Variants in ADAMTSL2 observed in about 807,000 individuals in gnomAD.
ADAMTSL2 encodes ADAMTS like 2, also known as ADAMTS-like protein 2.
Under a neutral mutation model 117.0 loss-of-function variants are expected in ADAMTSL2, and 55 were observed. That is an observed-to-expected ratio of 0.47 (90% confidence interval 0.38 to 0.59). ADAMTSL2 has a LOEUF of 0.59. Among genes scored for constraint, ADAMTSL2 ranks in the 20% least tolerant of loss-of-function variants. The pLI is 0.00. For missense variants in ADAMTSL2, 1,182 were observed against 1,354.5 expected, an observed-to-expected ratio of 0.87 and a Z score of 2.00; for synonymous variants, 572 against 566.4, an observed-to-expected ratio of 1.01 and a Z score of -0.14.
In ADAMTSL2 at chr9:133,536,540, G is replaced by T. The variant is rs369206306; in HGVS notation, c.-150-23G>T. 6 of 1,540,402 alleles carry T rather than the reference G, an allele frequency of 3.9e-6. No homozygotes were observed. In the African/African-American group the frequency reaches 5.5e-5, roughly 14 times the overall value. ...CTTCTTGCTAAGCCTAGACTGAGGC[G>T]GGGGGTTCATCCTTCCCAACAGGGT... is the stretch of plus-strand genomic sequence containing the variant. On this transcript the variant is annotated intron_variant, in intron 1 of 18. Coordinates refer to ENST00000651351, the MANE Select transcript of ADAMTSL2 (RefSeq NM_014694.4).
rs1426390008 is a variant in ADAMTSL2, at chr9:133,555,810, T to C, written c.1529T>C (p.Leu510Pro). 15 of 1,613,736 alleles carry C rather than the reference T, an allele frequency of 9.3e-6. No homozygotes were observed. The highest frequency in any genetic ancestry group is 1.3e-5 in the Non-Finnish European group (15 of 1,180,042). ...AACGAGGGGGCTGGCCCTTACCTGC[T>C]CAACGGGTCCTACCTGGAGCTGAGC... ...EENEGAGPYL[L>P]NGSYLELSSD... Residue 510 changes from leucine to proline, a missense_variant, in exon 11 of 19, where the codon CTC (leucine) becomes CCC (proline). Transcript: ENST00000651351.
intron 9 of ADAMTSL2, among the ~76,000 whole-genome samples, chr9:133,548,245 G>A (rs1830399930): frequency 6.6e-6 from 1 of 152,262 alleles, no homozygotes; most frequent in Admixed American, 6.5e-5. Flanking sequence ...GCCAGAGCCT[G>A]TTCTTTGTTT....
intron 12 of ADAMTSL2, among the ~76,000 whole-genome samples, chr9:133,563,840 A>G (rs144667575): frequency 0.02 from 675 of 34,566 alleles, 8 homozygotes; most frequent in Middle Eastern, 0.06. Flanking sequence ...AGAGAGAGAG[A>G]GAGGGAGAGA....
rs1213955202 is a variant in ADAMTSL2, at chr9:133,568,294, C to T, written c.1896C>T (p.Ser632=). The T allele has an allele frequency of 8.9e-6, 14 of 1,571,876 alleles. No homozygotes were observed. The highest frequency in any genetic ancestry group is 3.5e-5 in the South Asian group (3 of 85,770). Reference sequence around the variant, plus strand: ...GCAGGTGGGAGACGAGCAGCTGGAGCGAGTGTTCGCGCACCTGCGGAGAGG... The same window carrying T: ...GCAGGTGGGAGACGAGCAGCTGGAGTGAGTGTTCGCGCACCTGCGGAGAGG... ...CQPRWETSSW[S]ECSRTCGEGY... Residue 632 remains serine (S), a synonymous_variant, in exon 14 of 19, where the codon AGC becomes AGT. Transcript: ENST00000651351.
Position 133,554,268 on chromosome 9 carries a change from C to A in ADAMTSL2, c.940-89C>A. 2 of 1,223,730 alleles carry A rather than the reference C, an allele frequency of 1.6e-6. No homozygotes were observed. The highest frequency in any genetic ancestry group is 2.3e-6 in the Non-Finnish European group (2 of 883,898). The allele number at this position is 1,223,730 out of a possible 1,614,324, so 75.8% of individuals were successfully genotyped here. ...CTCAACTGCCAGTCACAGCAGGGAA[C>A]GCACCCTGCAGCTCTGTGGGAAGGG... is the stretch of plus-strand genomic sequence containing the variant. On this transcript the variant is annotated intron_variant, in intron 9 of 18. Transcript: ENST00000651351. This position sits in a 1 kb window ranked among gnomAD's most constrained non-coding sequence, Gnocchi z 5.2.
Position 133,568,447 on chromosome 9 carries a change from C to T in ADAMTSL2, c.2049C>T (p.Pro683=), listed in dbSNP as rs886063644. The T allele has an allele frequency of 3.7e-3, 5,886 of 1,608,108 alleles. 158 individuals carry two copies. The African/African-American group carries it at 0.063, about 17-fold the overall frequency. ...RPEERKTCRN[P]ACGPQWEMSE... ...AGGAACGCAAGACCTGCCGGAACCC[C>T]GCCTGCGGGCCCCAGTGGGAGATGT... The change falls in exon 14 of 19, where the codon CCC becomes CCT. Residue 683 remains proline, a synonymous_variant. Transcript: ENST00000651351.
intron 8 of ADAMTSL2, among the ~76,000 whole-genome samples, chr9:133,545,115 G>T (rs1429949683): frequency 6.6e-6 from 1 of 152,154 alleles, no homozygotes; most frequent in Non-Finnish European, 1.5e-5. Context: ...GGCAGATTTT[G>T]AGTGTAGGGA....
intron 9 of ADAMTSL2, among the ~76,000 whole-genome samples, chr9:133,551,911 C>A (rs958395291): frequency 4.6e-5 from 7 of 150,746 alleles, no homozygotes; most frequent in South Asian, 2.1e-4. Context: ...CTCCCTGCAA[C>A]CTCCGCCTCC....
Position 133,568,275 on chromosome 9 carries a change from G to A in ADAMTSL2, c.1877G>A (p.Trp626Ter). The change falls in exon 14 of 19, where the codon TGG (tryptophan) becomes TAG (stop). Residue 626 changes from tryptophan (W) to a stop codon, truncating the protein, a stop_gained and splice_region_variant. Transcript: ENST00000651351. LOFTEE classifies it high-confidence loss of function. ...FCAGRECQPR[W>*]ETSSWSECSR... ...AAGGCCATCCGCTCCCGGGGCAGGT[G>A]GGAGACGAGCAGCTGGAGCGAGTGT... 6.4e-7 allele frequency: 1 copy of A among 1,563,872 alleles called. No homozygotes were observed. Among genetic ancestry groups the A allele is most frequent in the Non-Finnish European group, 8.7e-7 (1 of 1,155,950 alleles).
upstream of ADAMTSL2, chr9:133,534,702 C>A (rs1588271435): frequency 1.5e-6 from 2 of 1,366,108 alleles, no homozygotes; most frequent in Middle Eastern, 5.4e-4. Flanking sequence ...CGCAGAGCCG[C>A]CACTGGGCTG....
chr9:133,568,411 C>T lies in ADAMTSL2; in HGVS notation c.2013C>T (p.Ala671=), dbSNP rs1400101960. The part of the protein sequence containing the change: ...VYSDLCEAAE[A]VRPEERKTCR... The stretch of plus-strand genomic sequence containing the variant: ...GCGACCTGTGCGAGGCAGCCGAGGC[C>T]GTGCGGCCCGAGGAACGCAAGACCT... Residue 671 remains alanine, a synonymous_variant, in exon 14 of 19, where the codon GCC becomes GCT. Transcript: ENST00000651351. 1.9e-5 allele frequency: 31 copies of T among 1,608,160 alleles called. No individual in the cohort carries two copies. The highest frequency in any genetic ancestry group is 7.8e-5 in the South Asian group (7 of 90,160).
At chr9:133,564,279 G>GAGGA (rs1830864606) in intron 12 of ADAMTSL2, among the ~76,000 whole-genome samples, 1 of 10,390 alleles carries the variant, frequency 9.6e-5, no homozygotes. Context: ...AGAGAAAGAG[G>GAGGA]GAGAGAGAGA....
Position 133,554,818 on chromosome 9 carries a change from C to A in ADAMTSL2, c.1276+125C>A. 1 of 824,454 alleles carries A rather than the reference C, an allele frequency of 1.2e-6. No homozygotes were observed. Among genetic ancestry groups the A allele is most frequent in the Non-Finnish European group, 1.8e-6 (1 of 541,886 alleles). The allele number at this position is 824,454 out of a possible 1,614,324, so 51.1% of individuals were successfully genotyped here. A position where few individuals can be genotyped will look rare whatever the true frequency, so the allele number is the denominator to read the frequency against. On this transcript the variant is annotated intron_variant, in intron 10 of 18. Coordinates refer to ENST00000651351, the MANE Select transcript of ADAMTSL2 (RefSeq NM_014694.4). This position sits in a 1 kb window ranked among gnomAD's most constrained non-coding sequence, Gnocchi z 5.2. ...GAGGTTCCTAAGAGCTGCCAGCTAC[C>A]TGCAGATGTCCTCTGGGCAGGCACA...
At chr9:133,563,325 T>C (rs1830791593) in intron 12 of ADAMTSL2, among the ~76,000 whole-genome samples, 1 of 152,178 alleles carries the variant, frequency 6.6e-6, no homozygotes, top group African/African-American at 2.4e-5. Context: ...GAGCTGAGCA[T>C]GGTGGTGGGG....
intron 9 of ADAMTSL2, among the ~76,000 whole-genome samples, chr9:133,548,592 C>T (rs1165518114): frequency 2.6e-5 from 4 of 151,788 alleles, no homozygotes; most frequent in African/African-American, 9.7e-5. Flanking sequence ...GAGGGAGCAG[C>T]TGAGTTGTGA....
intron 12 of ADAMTSL2, among the ~76,000 whole-genome samples, chr9:133,565,384 C>A (rs1416573979): frequency 6.6e-6 from 1 of 152,148 alleles, no homozygotes; most frequent in African/African-American, 2.4e-5. Context: ...CAAGGCCTGC[C>A]GCGTTTCCAC....
At chr9:133,568,167 A>C in intron 13 of ADAMTSL2, 106 bp from the exon 14 acceptor site, 4 of 1,203,470 alleles carry the variant, frequency 3.3e-6, no homozygotes, top group Non-Finnish European at 4.7e-6. Flanking sequence ...GTTTTGGACC[A>C]CATAGGGGAG....
At chr9:133,546,657 C>T (rs894731253) in intron 8 of ADAMTSL2, among the ~76,000 whole-genome samples, 1 of 152,160 alleles carries the variant, frequency 6.6e-6, no homozygotes, top group African/African-American at 2.4e-5. Context: ...CCCAGGACCC[C>T]TGCTGCCTCG....
In ADAMTSL2 at chr9:133,558,225, G is replaced by C. The variant is rs917303893; in HGVS notation, c.1649+2295G>C. On this transcript the variant is annotated intron_variant, in intron 11 of 18. Coordinates refer to ENST00000651351, the MANE Select transcript of ADAMTSL2 (RefSeq NM_014694.4). The surrounding 1 kb of genome is among the most constrained non-coding windows in gnomAD (Gnocchi z 4.3). ...ACTGCTGAGATGCCGCTGCTCCCCC[G>C]GCCGGCCTGCCATCAAAGGATGCTG... Among the ~76,000 whole-genome samples the C allele has an allele frequency of 5.9e-5, 9 of 152,132 alleles. No individual in the cohort carries two copies. Among genetic ancestry groups the C allele is most frequent in the Non-Finnish European group, 8.8e-5 (6 of 68,032 alleles).
Sources: gnomAD v4.1 joint callset for allele counts (sites outside exome capture counted in the v4.1 genomes callset) on GRCh38, gnomAD v4.1.1 for gene constraint, Gnocchi (gnomAD v3.1) non-coding constraint, MANE v1.5 for transcripts, NCBI Gene and HGNC (gene_info 2026-07-23, HGNC 2026-07-21) for gene names.